The following CHD1 variants were observed in gnomAD, a reference collection of about 807,000 sequenced individuals.
CHD1 encodes ATP-dependent chromatin remodeler CHD1.
A neutral mutation model predicts 224.2 loss-of-function variants in CHD1; 36 were observed. The ratio of observed to expected loss-of-function variants is 0.16; its 90% CI spans 0.12 to 0.21. The LOEUF (loss-of-function observed/expected upper bound fraction) is 0.21, where lower values mean the gene tolerates loss of function less well. Among genes scored for constraint, CHD1 ranks in the 10% least tolerant of loss-of-function variants. CHD1 has a pLI of 1.00. For synonymous variants in CHD1, 668 were observed against 658.3 expected (o/e 1.01, Z -0.23); for missense variants, 1,378 against 1,994.8 (o/e 0.69, Z 5.89).
At chr5:98,892,180 A>C (rs575438523) in intron 15 of CHD1, among the ~76,000 whole-genome samples, 1 of 152,226 alleles carries the variant, frequency 6.6e-6, no homozygotes, top group East Asian at 1.9e-4. Context: ...TTTTTTTCTA[A>C]GTTTCTTTTT....
chr5:98,897,069 A>G lies in CHD1; in HGVS notation c.1493+124T>C, dbSNP rs148676307. On this transcript the variant is annotated intron_variant, in intron 11 of 35. Coordinates refer to ENST00000614616, the MANE Select transcript of CHD1 (RefSeq NM_001270.4). ...GTATTGTTTATACAAACTAGGAAAT[A>G]CAAAGACTAGCATATAAACTGCCAA... 9.0e-4 allele frequency: 769 copies of G among 851,074 alleles called. 5 individuals are homozygous for G. The African/African-American group carries it at 0.012, about 13-fold the overall frequency. The allele number at this position is 851,074 out of a possible 1,614,324, so 52.7% of individuals were successfully genotyped here. A position where few individuals can be genotyped will look rare whatever the true frequency, so the allele number is the denominator to read the frequency against.
intron 26 of CHD1, 144 bp from the exon 27 acceptor site, chr5:98,872,699 A>C: frequency 1.4e-6 from 1 of 713,836 alleles, no homozygotes; most frequent in Non-Finnish European, 2.3e-6. Flanking sequence ...GAAAACCTTG[A>C]ACTTCATTAC....
chr5:98,912,501 T>C (rs187138393), intron 2 of CHD1, among the ~76,000 whole-genome samples: 2 of 152,094 alleles, frequency 1.3e-5, no homozygotes, highest in East Asian at 3.9e-4. Context: ...TGAGACCCCA[T>C]CTCTACTAAA....
rs1284127104 is a variant in CHD1, at chr5:98,925,631, T to A, written c.53+703A>T. ...AACTCAAAATTTGAGAGCTACAGAA[T>A]TTAAAGAATCTTCTTTGCAAACACT... is the stretch of plus-strand genomic sequence containing the variant. On this transcript the variant is annotated intron_variant, in intron 2 of 35. Transcript: ENST00000614616. Among the ~76,000 whole-genome samples the A allele has an allele frequency of 2.0e-5, 3 of 152,154 alleles. No individual in the cohort carries two copies. The East Asian group carries it at 5.8e-4, about 29-fold the overall frequency.
At chr5:98,918,812 C>A (rs1752915920) in intron 2 of CHD1, among the ~76,000 whole-genome samples, 1 of 150,004 alleles carries the variant, frequency 6.7e-6, no homozygotes, top group South Asian at 2.1e-4. Flanking sequence ...GAATATATAT[C>A]ATTTGTTCTT....
At chr5:98,913,699 A>C (rs1752564265) in intron 2 of CHD1, among the ~76,000 whole-genome samples, 1 of 152,232 alleles carries the variant, frequency 6.6e-6, no homozygotes, top group Non-Finnish European at 1.5e-5. Flanking sequence ...TTATTTAATT[A>C]TTTAATAAAA....
intron 31 of CHD1, 75 bp from the exon 32 acceptor site, chr5:98,863,661 G>T: frequency 2.1e-6 from 2 of 942,670 alleles, no homozygotes; most frequent in Non-Finnish European, 3.2e-6. Context: ...CTCCTTCAAT[G>T]ATATTTACAT....
intron 24 of CHD1, 83 bp downstream of exon 24, chr5:98,876,315 T>C (rs1376464971): frequency 2.9e-6 from 4 of 1,393,720 alleles, no homozygotes; most frequent in Non-Finnish European, 4.0e-6. Flanking sequence ...TTCATCACAA[T>C]TTTTGAAAAT....
At chr5:98,890,884 T>C (rs1750972249) in intron 15 of CHD1, among the ~76,000 whole-genome samples, 1 of 152,092 alleles carries the variant, frequency 6.6e-6, no homozygotes, top group Non-Finnish European at 1.5e-5. Flanking sequence ...AAAAAAGAAG[T>C]ACCTATAGAT....
At chr5:98,864,256 A>C (rs1425240260) in intron 31 of CHD1, among the ~76,000 whole-genome samples, 5 of 152,188 alleles carry the variant, frequency 3.3e-5, no homozygotes, top group African/African-American at 1.2e-4. Context: ...ACCGTCAGAT[A>C]AAATTTGTAA....
Position 98,901,323 on chromosome 5 carries a change from T to C in CHD1, c.450A>G (p.Gln150=), listed in dbSNP as rs1482477107. Residue 150 remains glutamine, a synonymous_variant, in exon 6 of 36, where the codon CAA becomes CAG. Transcript: ENST00000614616. ...KRKKHKDEDW[Q]MSGSGSPSQS... The stretch of plus-strand genomic sequence containing the variant: ...GAGATGGAGATCCTGACCCAGACAT[T>C]TGCCAATCTTCACTGCAGACAAAAT... 3 of 1,605,126 alleles carry C rather than the reference T, an allele frequency of 1.9e-6. No homozygotes were observed. Among genetic ancestry groups the C allele is most frequent in the South Asian group, 2.3e-5 (2 of 88,690 alleles).
intron 11 of CHD1, among the ~76,000 whole-genome samples, chr5:98,896,822 G>A (rs1751372284): frequency 1.3e-5 from 2 of 148,466 alleles, no homozygotes; most frequent in African/African-American, 4.9e-5. Context: ...AATTGCAACC[G>A]AGATTCACAA....
At chr5:98,886,497 A>G (rs1007299853) in intron 17 of CHD1, among the ~76,000 whole-genome samples, 1 of 152,206 alleles carries the variant, frequency 6.6e-6, no homozygotes, top group Non-Finnish European at 1.5e-5. Context: ...CAATGATTTT[A>G]TAATTATTAA....
chr5:98,866,444 C>T (rs371915374), intron 31 of CHD1, among the ~76,000 whole-genome samples: 2 of 152,148 alleles, frequency 1.3e-5, no homozygotes, highest in South Asian at 4.1e-4. Flanking sequence ...TAAATCAACA[C>T]TGTCTAGTCA....
chr5:98,875,870 A>C (rs1444699557), intron 24 of CHD1, among the ~76,000 whole-genome samples: 1 of 152,212 alleles, frequency 6.6e-6, no homozygotes, highest in African/African-American at 2.4e-5. Flanking sequence ...ATTCCTCTTA[A>C]ATAAATGTGT....
At chr5:98,914,528 T>A (rs1488216124) in intron 2 of CHD1, among the ~76,000 whole-genome samples, 1 of 150,430 alleles carries the variant, frequency 6.6e-6, no homozygotes. Context: ...AAAAAAAAAA[T>A]ACCTTATGTG....
At chr5:98,863,272 T>C (rs142476918) in intron 32 of CHD1, 136 bp downstream of exon 32, 1 of 472,674 alleles carries the variant, frequency 2.1e-6, no homozygotes, top group South Asian at 7.0e-5. Context: ...GGAGAAAAAT[T>C]AAAACAATCA....
intron 25 of CHD1, among the ~76,000 whole-genome samples, chr5:98,874,716 GAA>G (rs796803169): frequency 8.0e-6 from 1 of 124,966 alleles, no homozygotes. Flanking sequence ...CATTTAAAAA[GAA>G]AAAAAAAAAA....
intron 23 of CHD1, 55 bp from the exon 24 acceptor site, chr5:98,876,613 G>A (rs1580395806): frequency 2.8e-6 from 4 of 1,436,384 alleles, no homozygotes; most frequent in Admixed American, 1.8e-5. Flanking sequence ...TGTATCTTAA[G>A]AGCAAAAACC....
Sources: allele counts gnomAD v4.1 joint callset (sites outside exome capture counted in the v4.1 genomes callset), GRCh38; gene constraint gnomAD v4.1.1; transcripts MANE v1.5; gene names NCBI Gene and HGNC (gene_info 2026-07-23, HGNC 2026-07-21).